PRKG2: variants seen among roughly 807,000 people sequenced by gnomAD.
PRKG2 encodes the protein cGMP-dependent protein kinase 2.
PRKG2 carries 33 observed loss-of-function variants against 97.2 expected under a neutral mutation model. That is an observed-to-expected ratio of 0.34 (90% CI 0.26 to 0.45). The LOEUF (loss-of-function observed/expected upper bound fraction) is 0.45, where lower values mean the gene tolerates loss of function less well. PRKG2 is among the 20% of genes least tolerant of loss of function. The pLI is 1.00. For synonymous variants in PRKG2, 330 were observed against 321.8 expected (o/e 1.03, Z -0.27); for missense variants, 638 against 900.0 (o/e 0.71, Z 3.73).
chr4:81,092,138 T>C (rs951095708), intron 18 of PRKG2, among the ~76,000 whole-genome samples: 10 of 152,132 alleles, frequency 6.6e-5, no homozygotes, highest in Non-Finnish European at 7.4e-5. Flanking sequence ...ACTGACTACT[T>C]TGGGACTTAA....
chr4:81,191,243 C>T (rs1338665056), intron 2 of PRKG2, among the ~76,000 whole-genome samples: 2 of 152,130 alleles, frequency 1.3e-5, no homozygotes, highest in Admixed American at 6.5e-5. Context: ...CCACGGAATA[C>T]TATGCAGCCA....
intron 6 of PRKG2, among the ~76,000 whole-genome samples, chr4:81,157,162 A>C (rs967768995): frequency 3.3e-5 from 5 of 152,360 alleles, no homozygotes; most frequent in African/African-American, 1.2e-4. Flanking sequence ...GAAAGGATCA[A>C]CAAAATTGAT....
chr4:81,198,241 T>C (rs1241852909), intron 2 of PRKG2, among the ~76,000 whole-genome samples: 1 of 152,132 alleles, frequency 6.6e-6, no homozygotes, highest in Non-Finnish European at 1.5e-5. Context: ...AAGAAGACCA[T>C]TTGAGAGGCT....
chr4:81,100,978 C>G (rs1237548644), intron 17 of PRKG2, among the ~76,000 whole-genome samples: 1 of 152,128 alleles, frequency 6.6e-6, no homozygotes, highest in Non-Finnish European at 1.5e-5. Context: ...CTCATCATCA[C>G]TGGCCATCAG....
At chr4:81,116,819 T>C (rs1744577080) in intron 14 of PRKG2, among the ~76,000 whole-genome samples, 1 of 151,734 alleles carries the variant, frequency 6.6e-6, no homozygotes, top group South Asian at 2.1e-4. Context: ...TATGTCTTCT[T>C]TGAGACGTGT....
chr4:81,143,125 T>C (rs1289627557), intron 10 of PRKG2, among the ~76,000 whole-genome samples, 178 bp from the exon 11 acceptor site: 1 of 152,032 alleles, frequency 6.6e-6, no homozygotes, highest in Non-Finnish European at 1.5e-5. Context: ...GAGAAAACAA[T>C]AGAATATACA....
chr4:81,149,281 T>TC (rs1213574591), intron 8 of PRKG2, among the ~76,000 whole-genome samples: 1 of 152,140 alleles, frequency 6.6e-6, no homozygotes, highest in Non-Finnish European at 1.5e-5. Context: ...AAAGGAGAAC[T>TC]ATTCACTAAC....
chr4:81,101,163 C>T (rs545335688), intron 17 of PRKG2, among the ~76,000 whole-genome samples: 1 of 151,792 alleles, frequency 6.6e-6, no homozygotes, highest in East Asian at 1.9e-4. Flanking sequence ...TGTGGTGATT[C>T]CTCAGGGATC....
At chr4:81,095,971 TA>T (rs774195186) in intron 17 of PRKG2, among the ~76,000 whole-genome samples, 7 of 152,172 alleles carry the variant, frequency 4.6e-5, no homozygotes, top group Admixed American at 3.3e-4. Context: ...TACATAATTT[TA>T]AAATACTTTA....
At chr4:81,126,365 G>A (rs959573526) in intron 14 of PRKG2, among the ~76,000 whole-genome samples, 6 of 152,150 alleles carry the variant, frequency 3.9e-5, no homozygotes, top group Admixed American at 6.5e-5. Context: ...ATAGTAGAAC[G>A]ATTTATAATA....
At chr4:81,153,808 G>A (rs187411001) in intron 6 of PRKG2, 87 bp from the exon 7 acceptor site, 7 of 915,602 alleles carry the variant, frequency 7.6e-6, no homozygotes, top group East Asian at 7.4e-5. Context: ...AGCTCCCAGC[G>A]TGAGCGGCGC....
rs1249065364 is a variant in PRKG2 at position 81,205,074 on chromosome 4, G to C, written c.-13-14C>G. The C allele has an allele frequency of 6.6e-7, 1 of 1,518,470 alleles. No individual in the cohort carries two copies. Among genetic ancestry groups the C allele is most frequent in the Non-Finnish European group, 8.9e-7 (1 of 1,120,694 alleles). 94.1% of individuals were successfully genotyped at this position (1,518,470 alleles called of 1,614,324 possible). On this transcript the variant is annotated splice_polypyrimidine_tract_variant and intron_variant, in intron 1 of 18. Coordinates refer to ENST00000264399, the MANE Select transcript of PRKG2 (RefSeq NM_006259.3). ...TTGCTCAGGGACCTGAGAAGGCACA[G>C]AATTGGGAAGTATCAAGTGGAGTTT...
At chr4:81,119,977 A>G (rs1452626042) in intron 14 of PRKG2, among the ~76,000 whole-genome samples, 3 of 152,204 alleles carry the variant, frequency 2.0e-5, no homozygotes, top group Non-Finnish European at 4.4e-5. Flanking sequence ...GGAAGAACTG[A>G]TATCTTACGG....
chr4:81,138,131 T>C (rs1746896421), intron 12 of PRKG2, among the ~76,000 whole-genome samples: 1 of 152,168 alleles, frequency 6.6e-6, no homozygotes, highest in Non-Finnish European at 1.5e-5. Flanking sequence ...TTGAGCAAGG[T>C]GGTTCTCTTC....
At chr4:81,122,621 C>T (rs1405802968) in intron 14 of PRKG2, among the ~76,000 whole-genome samples, 2 of 151,942 alleles carry the variant, frequency 1.3e-5, no homozygotes, top group Non-Finnish European at 1.5e-5. Context: ...CTTTTTTTTC[C>T]TGGGCTTTCC....
chr4:81,150,967 T>A (rs191727934), intron 8 of PRKG2, among the ~76,000 whole-genome samples: 38 of 152,246 alleles, frequency 2.5e-4, no homozygotes, highest in Non-Finnish European at 4.4e-4. Context: ...TGCTACATAA[T>A]AGCTAAAACT....
chr4:81,191,549 C>T (rs1010568590), intron 2 of PRKG2, among the ~76,000 whole-genome samples: 1 of 151,808 alleles, frequency 6.6e-6, no homozygotes, highest in African/African-American at 2.4e-5. Flanking sequence ...AAACCTGCAC[C>T]TTCTGCACGT....
intron 15 of PRKG2, among the ~76,000 whole-genome samples, chr4:81,107,526 T>C (rs966044838): frequency 6.6e-6 from 1 of 152,032 alleles, no homozygotes; most frequent in Non-Finnish European, 1.5e-5. Context: ...ATTTATCTAT[T>C]TATTTTAGAG....
intron 2 of PRKG2, among the ~76,000 whole-genome samples, chr4:81,199,234 A>T (rs7656582): frequency 0.099 from 15,099 of 152,246 alleles, 909 homozygotes; most frequent in Middle Eastern, 0.16. Flanking sequence ...CCCCAGCAAA[A>T]GTTCCCACTC....
Sources: allele counts gnomAD v4.1 joint callset (sites outside exome capture counted in the v4.1 genomes callset), GRCh38; gene constraint gnomAD v4.1.1; transcripts MANE v1.5; gene names NCBI Gene and HGNC (gene_info 2026-07-23, HGNC 2026-07-21).